The following SULF2 variants were observed in gnomAD, a reference collection of about 807,000 sequenced individuals.
SULF2 encodes extracellular sulfatase Sulf-2.
Under a neutral mutation model 107.7 loss-of-function variants are expected in SULF2, and 52 were observed. That is an observed-to-expected ratio of 0.48 (90% CI 0.39 to 0.61). The LOEUF (loss-of-function observed/expected upper bound fraction) is 0.61, where lower values mean the gene tolerates loss of function less well. Among genes scored for constraint, SULF2 ranks in the 20% least tolerant of loss-of-function variants. SULF2 has a pLI of 0.00. For synonymous variants in SULF2, 460 were observed against 464.3 expected (o/e 0.99, Z 0.12); for missense variants, 993 against 1,177.3 (o/e 0.84, Z 2.29).
chr20:47,772,365 A>T (rs937403975), intron 1 of SULF2, among the ~76,000 whole-genome samples: 2 of 152,192 alleles, frequency 1.3e-5, no homozygotes, highest in East Asian at 1.9e-4. Context: ...ATCTCCAGAC[A>T]CTGCCAAATG....
chr20:47,691,406 G>A (rs2088192598), intron 4 of SULF2, among the ~76,000 whole-genome samples: 1 of 152,208 alleles, frequency 6.6e-6, no homozygotes, highest in Non-Finnish European at 1.5e-5. Context: ...GGCATAGGAA[G>A]ATATGTATCA....
Position 47,690,113 on chromosome 20 carries a change from T to G in SULF2, c.737+13A>C. On this transcript the variant is annotated intron_variant, in intron 5 of 20. Transcript: ENST00000688720. Reference sequence around the variant, plus strand: ...TAAGCAGTGCCTCTGGCAGGCAGAGTGCTGAGGCTTACATGTGCTGAGATG... The same window carrying G: ...TAAGCAGTGCCTCTGGCAGGCAGAGGGCTGAGGCTTACATGTGCTGAGATG... 1.4e-6 allele frequency: 2 copies of G among 1,427,760 alleles called. No homozygotes were observed. The highest frequency in any genetic ancestry group is 9.3e-7 in the Non-Finnish European group (1 of 1,076,670). The allele number at this position is 1,427,760 out of a possible 1,614,324, so 88.4% of individuals were successfully genotyped here.
intron 11 of SULF2, among the ~76,000 whole-genome samples, chr20:47,671,408 C>A (rs1480438852): frequency 6.6e-6 from 1 of 152,018 alleles, no homozygotes; most frequent in Non-Finnish European, 1.5e-5. Context: ...CGGGTTCAAG[C>A]GACTCTGCTG....
Position 47,678,577 on chromosome 20 carries a change from C to T in SULF2, c.1193+99G>A, listed in dbSNP as rs2087724213. 2.0e-6 allele frequency: 3 copies of T among 1,501,680 alleles called. No homozygotes were observed. Among genetic ancestry groups the T allele is most frequent in the African/African-American group, 1.4e-5 (1 of 72,724 alleles). The allele number at this position is 1,501,680 out of a possible 1,614,324, so 93.0% of individuals were successfully genotyped here. On this transcript the variant is annotated intron_variant, in intron 8 of 20. Coordinates refer to ENST00000688720, the MANE Select transcript of SULF2 (RefSeq NM_001387048.1). This position sits in a 1 kb window ranked among gnomAD's most constrained non-coding sequence, Gnocchi z 4.5. ...GGGACCTGAGAACCCCAGCTCCCGA[C>T]CCTTGGAGACCCCACGTTCTAGACC... is the stretch of plus-strand genomic sequence containing the variant.
intron 4 of SULF2, among the ~76,000 whole-genome samples, chr20:47,701,201 G>T (rs966438857): frequency 2.0e-5 from 3 of 152,206 alleles, no homozygotes; most frequent in African/African-American, 7.2e-5. Flanking sequence ...TTCCATTTAG[G>T]TGAAGTTCTA....
At position 47,672,402 on chromosome 20, in the gene SULF2, C is replaced by T. The variant is rs1332007481; in HGVS notation, c.1381-9G>A. On this transcript the variant is annotated splice_polypyrimidine_tract_variant and intron_variant, in intron 10 of 20. Coordinates refer to ENST00000688720, the MANE Select transcript of SULF2 (RefSeq NM_001387048.1). ...TCCACACACTGCCACTTCTGAAAGA[C>T]ATGCCAGGGCCTCGGCCAGCTGCTC... The T allele has an allele frequency of 6.3e-7, 1 of 1,594,492 alleles. No individual in the cohort carries two copies. The highest frequency in any genetic ancestry group is 1.7e-4 in the Middle Eastern group (1 of 5,838).
chr20:47,673,368 C>A lies in SULF2; in HGVS notation c.1381-975G>T, dbSNP rs143858282. On this transcript the variant is annotated intron_variant, in intron 10 of 20. Transcript: ENST00000688720. ...CTACACCTCACGCTACCCTACGAGG[C>A]AGGTGCTGTCATTACTGTGCCGATT... Among the ~76,000 whole-genome samples the A allele has an allele frequency of 8.8e-3, 1,333 of 152,306 alleles. 17 individuals carry two copies. The highest frequency in any genetic ancestry group is 0.03 in the African/African-American group (1,265 of 41,558).
chr20:47,785,602 C>A, upstream of SULF2: 1 of 146,962 alleles, frequency 6.8e-6, no homozygotes, highest in South Asian at 1.8e-4. Context: ...CTCCGCACCC[C>A]GCCCGGACCG....
intron 1 of SULF2, among the ~76,000 whole-genome samples, chr20:47,779,119 C>G (rs1340744760): frequency 6.6e-6 from 1 of 152,186 alleles, no homozygotes. Flanking sequence ...ACGCACCAGG[C>G]TGCCTAGTCA....
chr20:47,678,536 A>T lies in SULF2; in HGVS notation c.1193+140T>A. ...ACCATGCTTCTCTCCCACAGCAGGT[A>T]AGTGGTTGGCATGGCGGGACCTGAG... On this transcript the variant is annotated intron_variant, in intron 8 of 20. Coordinates refer to ENST00000688720, the MANE Select transcript of SULF2 (RefSeq NM_001387048.1). The surrounding 1 kb of genome is among the most constrained non-coding windows in gnomAD (Gnocchi z 4.5). 3.9e-6 allele frequency: 4 copies of T among 1,032,234 alleles called. No individual in the cohort carries two copies. The highest frequency in any genetic ancestry group is 1.6e-5 in the South Asian group (1 of 64,344). The allele number at this position is 1,032,234 out of a possible 1,614,324, so 63.9% of individuals were successfully genotyped here. A position where few individuals can be genotyped will look rare whatever the true frequency, so the allele number is the denominator to read the frequency against.
chr20:47,732,329 A>C (rs1286653110), intron 3 of SULF2, among the ~76,000 whole-genome samples: 1 of 152,230 alleles, frequency 6.6e-6, no homozygotes, highest in Non-Finnish European at 1.5e-5. Context: ...CACAGAAGCT[A>C]AATAACTTGT....
chr20:47,717,459 T>A (rs188528006), intron 3 of SULF2, among the ~76,000 whole-genome samples: 122 of 152,140 alleles, frequency 8.0e-4, no homozygotes, highest in Non-Finnish European at 1.3e-3. Flanking sequence ...GCTCTTCCCA[T>A]CCACGGGGAC....
At chr20:47,775,814 A>T (rs2090714594) in intron 1 of SULF2, among the ~76,000 whole-genome samples, 1 of 152,228 alleles carries the variant, frequency 6.6e-6, no homozygotes, top group South Asian at 2.1e-4. Context: ...GCTTGCTGTG[A>T]TGATGAAATG....
In SULF2 at chr20:47,707,633, C is replaced by T. The variant is rs955332229; in HGVS notation, c.416-4963G>A. On this transcript the variant is annotated intron_variant, in intron 3 of 20. Coordinates refer to ENST00000688720, the MANE Select transcript of SULF2 (RefSeq NM_001387048.1). ...TACTCGAGTGAGATATGCGGACCCC[C>T]CCAGCACTCAATTCCTCCCCTGTGT... Among the ~76,000 whole-genome samples, 3 of 152,160 alleles carry T rather than the reference C, an allele frequency of 2.0e-5. No homozygotes were observed. The East Asian group carries it at 5.8e-4, about 29-fold the overall frequency.
In SULF2 at chr20:47,766,303, T is replaced by A. The variant is rs2090527203; in HGVS notation, c.-100-8840A>T. Among the ~76,000 whole-genome samples, 3 of 152,314 alleles carry A rather than the reference T, an allele frequency of 2.0e-5. No homozygotes were observed. The South Asian group carries it at 6.2e-4, about 32-fold the overall frequency. On this transcript the variant is annotated intron_variant, in intron 1 of 20. Transcript: ENST00000688720. The stretch of plus-strand genomic sequence containing the variant: ...CTCCTGTAACCTATGGGCCACAGCT[T>A]CTCCCTGTCTCCCCTACCTAGCCCA...
At position 47,665,066 on chromosome 20, in the gene SULF2, T is replaced by A. The variant is rs1391646342; in HGVS notation, c.1997+133A>T. On this transcript the variant is annotated intron_variant, in intron 14 of 20. Transcript: ENST00000688720. ...TGACAACAGGGAGGTAAATTACGGA[T>A]TTTTTTAATGCCATGAGGGGAGAAG... 6 of 719,442 alleles carry A rather than the reference T, an allele frequency of 8.3e-6. No homozygotes were observed. In the East Asian group the frequency reaches 1.0e-4, roughly 12 times the overall value. The allele number at this position is 719,442 out of a possible 1,614,324, so 44.6% of individuals were successfully genotyped here.
chr20:47,731,222 T>C (rs147965261), intron 3 of SULF2, among the ~76,000 whole-genome samples: 1,378 of 131,332 alleles, frequency 0.01, 27 homozygotes, highest in African/African-American at 0.042. Flanking sequence ...AGACAGAGTC[T>C]TACTCTGTCA....
intron 1 of SULF2, among the ~76,000 whole-genome samples, chr20:47,768,530 G>A (rs916401252): frequency 3.3e-5 from 5 of 152,220 alleles, no homozygotes; most frequent in Admixed American, 6.5e-5. Context: ...TGGCCACCTC[G>A]TGCCTGTGTG....
At chr20:47,675,964 C>T (rs1289744488) in intron 10 of SULF2, among the ~76,000 whole-genome samples, 1 of 152,196 alleles carries the variant, frequency 6.6e-6, no homozygotes, top group Non-Finnish European at 1.5e-5. Context: ...AACACGTGGG[C>T]TCAAGCCATC....
Sources: allele counts gnomAD v4.1 joint callset (sites outside exome capture counted in the v4.1 genomes callset), GRCh38; gene constraint gnomAD v4.1.1; non-coding constraint Gnocchi (gnomAD v3.1); transcripts MANE v1.5; gene names NCBI Gene and HGNC (gene_info 2026-07-23, HGNC 2026-07-21).